EBF1: variants seen among roughly 807,000 people sequenced by gnomAD.
EBF1 encodes EBF transcription factor 1.
EBF1 carries 10 observed loss-of-function variants against 68.4 expected under a neutral mutation model. The observed-to-expected ratio is 0.15, with a 90% CI of 0.09 to 0.25. The LOEUF (loss-of-function observed/expected upper bound fraction) is 0.25. Ranked by LOEUF, EBF1 falls within the 10% of genes least tolerant of loss-of-function variation. EBF1 has a pLI of 1.00. For missense variants in EBF1, 509 were observed against 794.4 expected (o/e 0.64, Z 4.32); for synonymous variants, 298 against 299.8 (o/e 0.99, Z 0.06).
chr5:158,773,737 G>A (rs958834182), intron 10 of EBF1, among the ~76,000 whole-genome samples: 1 of 152,132 alleles, frequency 6.6e-6, no homozygotes, highest in East Asian at 1.9e-4. Context: ...AGCAGCTAAA[G>A]GTGCCTAAGA....
intron 10 of EBF1, among the ~76,000 whole-genome samples, chr5:158,774,176 T>G (rs770895684): frequency 2.0e-5 from 3 of 152,056 alleles, no homozygotes; most frequent in Non-Finnish European, 4.4e-5. Flanking sequence ...CATTAGCAGC[T>G]ATGGATTCCT....
In EBF1 at chr5:158,907,934, A is replaced by G. The variant is rs561170963; in HGVS notation, c.555-67824T>C. Among the ~76,000 whole-genome samples, 3 of 152,242 alleles carry G rather than the reference A, an allele frequency of 2.0e-5. 1 individual carries two copies. Among genetic ancestry groups the G allele is most frequent in the South Asian group, 4.2e-4 (2 of 4,810 alleles). ...CTACAATGAGTTAAGTAATCGAGAAATTAGAAGCTGTGTTGACTTTTCAGA... is the reference window on the plus strand; with the variant it reads ...CTACAATGAGTTAAGTAATCGAGAAGTTAGAAGCTGTGTTGACTTTTCAGA... On this transcript the variant is annotated intron_variant, in intron 6 of 15. Transcript: ENST00000313708.
At chr5:159,054,926 T>C (rs370034191) in intron 6 of EBF1, among the ~76,000 whole-genome samples, 1 of 152,328 alleles carries the variant, frequency 6.6e-6, no homozygotes, top group East Asian at 1.9e-4. Flanking sequence ...ACTAGATCCC[T>C]TCCCCATCTT....
At chr5:158,737,506 G>A (rs1466822678) in intron 10 of EBF1, among the ~76,000 whole-genome samples, 1 of 151,704 alleles carries the variant, frequency 6.6e-6, no homozygotes, top group Non-Finnish European at 1.5e-5. Context: ...GGATGGTCTC[G>A]ATCTCCTGAC....
At chr5:158,930,884 A>G (rs766710328) in intron 6 of EBF1, among the ~76,000 whole-genome samples, 23 of 147,640 alleles carry the variant, frequency 1.6e-4, no homozygotes, top group Non-Finnish European at 2.8e-4. Flanking sequence ...TTCTCAGGTT[A>G]CCCAAAAAAA....
chr5:158,882,638 T>A (rs1359408294), intron 6 of EBF1, among the ~76,000 whole-genome samples: 1 of 152,176 alleles, frequency 6.6e-6, no homozygotes, highest in African/African-American at 2.4e-5. Flanking sequence ...ATCACAACAA[T>A]GAGTCCTTAA....
chr5:158,918,658 C>T (rs182636987), intron 6 of EBF1, among the ~76,000 whole-genome samples: 3 of 152,284 alleles, frequency 2.0e-5, no homozygotes, highest in Admixed American at 1.3e-4. Flanking sequence ...TGTAACTAAA[C>T]CCACCTCTCA....
At chr5:158,996,191 AT>A (rs937790500) in intron 6 of EBF1, among the ~76,000 whole-genome samples, 3 of 152,316 alleles carry the variant, frequency 2.0e-5, no homozygotes, top group African/African-American at 7.2e-5. Context: ...GATCATGCTG[AT>A]TTATCAGATC....
chr5:159,068,404 T>C (rs918584122), intron 6 of EBF1, among the ~76,000 whole-genome samples: 7 of 151,954 alleles, frequency 4.6e-5, no homozygotes, highest in African/African-American at 1.4e-4. Context: ...GATGGATGGA[T>C]GGATGGTTAG....
At position 159,099,271 on chromosome 5, in the gene EBF1, TGCC is replaced by T. The variant is rs1264726618; in HGVS notation, c.134+71_134+73del. 5,659 of 1,244,586 alleles carry T rather than the reference TGCC, an allele frequency of 4.5e-3. 30 individuals are homozygous for T. The highest frequency in any genetic ancestry group is 5.3e-3 in the Non-Finnish European group (5,161 of 966,982). The allele number at this position is 1,244,586 out of a possible 1,614,324, so 77.1% of individuals were successfully genotyped here. A position where few individuals can be genotyped will look rare whatever the true frequency, so the allele number is the denominator to read the frequency against. ...CCGGCCCCGCGGCAGCAGCTGCCGCTGCCGCTGCCGCCTCCGCCTCCCGGCTCT... is the reference window on the plus strand; with the variant it reads ...CCGGCCCCGCGGCAGCAGCTGCCGCTGCTGCCGCCTCCGCCTCCCGGCTCT... On this transcript the variant is annotated intron_variant, in intron 1 of 15. Coordinates refer to ENST00000313708, the MANE Select transcript of EBF1 (RefSeq NM_024007.5).
At position 158,909,956 on chromosome 5, in the gene EBF1, T is replaced by TAAAAAAA. The variant is rs59274919; in HGVS notation, c.555-69853_555-69847dup. 5.5e-3 allele frequency among the ~76,000 whole-genome samples: 257 copies of TAAAAAAA among 46,704 alleles called. 30 individuals are homozygous for TAAAAAAA. Among genetic ancestry groups the TAAAAAAA allele is most frequent in the Middle Eastern group, 0.04 (2 of 50 alleles). 30.6% of individuals were successfully genotyped at this position (46,704 alleles called of 152,430 possible). A position where few individuals can be genotyped will look rare whatever the true frequency, so the allele number is the denominator to read the frequency against. On this transcript the variant is annotated intron_variant, in intron 6 of 15. Transcript: ENST00000313708. Reference sequence around the variant, plus strand: ...TGGTGACAGAACGAGACTCTGTCTATAAAAAAAAAAAAAAAAAAAAAAAAA... The same window carrying TAAAAAAA: ...TGGTGACAGAACGAGACTCTGTCTATAAAAAAAAAAAAAAAAAAAAAAAAAAAAAAAA...
chr5:158,811,397 C>T (rs570403038), intron 8 of EBF1, among the ~76,000 whole-genome samples: 1 of 152,260 alleles, frequency 6.6e-6, no homozygotes, highest in South Asian at 2.1e-4. Context: ...GGGAGGTTAG[C>T]ACTGACTAAA....
At chr5:159,032,731 C>T (rs1769172830) in intron 6 of EBF1, among the ~76,000 whole-genome samples, 1 of 152,198 alleles carries the variant, frequency 6.6e-6, no homozygotes, top group Non-Finnish European at 1.5e-5. Context: ...AGTATTATGA[C>T]ATTGGCTTCC....
At chr5:159,070,345 G>T (rs984368319) in intron 6 of EBF1, among the ~76,000 whole-genome samples, 13 of 152,062 alleles carry the variant, frequency 8.5e-5, no homozygotes, top group Admixed American at 6.6e-5. Flanking sequence ...AAAGAATTGG[G>T]GTCATATGTT....
chr5:158,788,006 G>A (rs1451349089), intron 9 of EBF1, among the ~76,000 whole-genome samples: 1 of 150,136 alleles, frequency 6.7e-6, no homozygotes, highest in Non-Finnish European at 1.5e-5. Flanking sequence ...GTTGCTATTA[G>A]GGAGCATTTG....
intron 6 of EBF1, among the ~76,000 whole-genome samples, chr5:158,859,325 T>A (rs567721533): frequency 6.6e-6 from 1 of 152,294 alleles, no homozygotes; most frequent in African/African-American, 2.4e-5. Flanking sequence ...CTCTCCCTTC[T>A]AAAGACCCCC....
chr5:159,055,299 A>T (rs1421365094), intron 6 of EBF1, among the ~76,000 whole-genome samples: 1 of 152,238 alleles, frequency 6.6e-6, no homozygotes, highest in Non-Finnish European at 1.5e-5. Flanking sequence ...TGAGAGAGGT[A>T]ACCTTAAAGA....
intron 6 of EBF1, among the ~76,000 whole-genome samples, chr5:158,945,536 G>C (rs528374271): frequency 6.6e-6 from 1 of 152,226 alleles, no homozygotes; most frequent in African/African-American, 2.4e-5. Flanking sequence ...TCTGCAGAGA[G>C]ATCTGCTGTT....
At chr5:158,823,087 G>A in intron 8 of EBF1, 89 bp downstream of exon 8, 1 of 1,570,152 alleles carries the variant, frequency 6.4e-7, no homozygotes, top group Non-Finnish European at 8.8e-7. Flanking sequence ...ATTTGAAACA[G>A]AATAGAACAT....
Sources: allele counts gnomAD v4.1 joint callset (sites outside exome capture counted in the v4.1 genomes callset), GRCh38; gene constraint gnomAD v4.1.1; transcripts MANE v1.5; gene names NCBI Gene and HGNC (gene_info 2026-07-23, HGNC 2026-07-21).